The following ACTR3C variants were observed in gnomAD, a reference collection of about 807,000 sequenced individuals.
The protein encoded by ACTR3C is actin-related protein 3C.
Under a neutral mutation model 26.3 loss-of-function variants are expected in ACTR3C, and 18 were observed. That is an observed-to-expected ratio of 0.68 (90% CI 0.47 to 1.01). ACTR3C has a LOEUF of 1.01. Among genes scored for constraint, ACTR3C ranks in the 50% least tolerant of loss-of-function variants. The pLI, the probability that ACTR3C is intolerant of heterozygous loss-of-function variation, is 0.00. For missense variants in ACTR3C, 184 were observed against 250.7 expected (o/e 0.73, Z 1.80); for synonymous variants, 55 against 94.5 (o/e 0.58, Z 2.42).
the ACTR3C span, among the ~76,000 whole-genome samples, chr7:150,035,716 GT>G: frequency 7.2e-6 from 1 of 139,548 alleles, no homozygotes; most frequent in African/African-American, 2.6e-5. Context: ...AAGCCAGGGG[GT>G]GAAGATGGTC....
At chr7:150,028,587 T>C in the ACTR3C span, among the ~76,000 whole-genome samples, 1 of 152,308 alleles carries the variant, frequency 6.6e-6, no homozygotes, top group Non-Finnish European at 1.5e-5. Flanking sequence ...GGGCACCTGT[T>C]TGTGGGCTTA....
the ACTR3C span, among the ~76,000 whole-genome samples, chr7:150,093,506 T>C: frequency 6.6e-6 from 1 of 151,010 alleles, no homozygotes; most frequent in Non-Finnish European, 1.5e-5. Flanking sequence ...TAATGGTGTT[T>C]CCTCTGCAGT....
the ACTR3C span, among the ~76,000 whole-genome samples, chr7:149,981,572 G>A: frequency 1.3e-5 from 2 of 150,030 alleles, no homozygotes; most frequent in African/African-American, 4.8e-5. Flanking sequence ...AATGCCTTGA[G>A]TGGTGCCTAA....
chr7:150,160,658 T>TTA, the ACTR3C span, among the ~76,000 whole-genome samples: 1 of 151,942 alleles, frequency 6.6e-6, no homozygotes, highest in Admixed American at 6.6e-5. Flanking sequence ...ATGGAAGGCA[T>TTA]TATATAAGGA....
At chr7:150,098,158 T>C in the ACTR3C span, among the ~76,000 whole-genome samples, 1 of 151,604 alleles carries the variant, frequency 6.6e-6, no homozygotes. Context: ...AGACACCTAC[T>C]ATAGCCTAGG....
chr7:150,133,421 T>C, the ACTR3C span, among the ~76,000 whole-genome samples: 2 of 152,172 alleles, frequency 1.3e-5, no homozygotes, highest in South Asian at 4.1e-4. Context: ...TTGTTCATGC[T>C]CCGGCCTCTT....
the ACTR3C span, among the ~76,000 whole-genome samples, chr7:150,179,309 GAAT>G: frequency 7.0e-6 from 1 of 142,214 alleles, no homozygotes; most frequent in Non-Finnish European, 1.5e-5. Flanking sequence ...ATTAATGTGT[GAAT>G]AATATATTTC....
At chr7:149,910,618 T>C in the ACTR3C span, among the ~76,000 whole-genome samples, 3 of 152,160 alleles carry the variant, frequency 2.0e-5, no homozygotes, top group Non-Finnish European at 4.4e-5. Context: ...CGTCATTCTG[T>C]AATAATGCTT....
the ACTR3C span, among the ~76,000 whole-genome samples, chr7:150,056,249 T>A: frequency 6.6e-6 from 1 of 152,152 alleles, no homozygotes; most frequent in South Asian, 2.1e-4. Context: ...GAAAAAGAAA[T>A]ACCCCACACA....
At chr7:149,972,076 C>A in the ACTR3C span, among the ~76,000 whole-genome samples, 1 of 152,218 alleles carries the variant, frequency 6.6e-6, no homozygotes, top group Admixed American at 6.5e-5. Flanking sequence ...CAGGCCATTT[C>A]TCTGAGTGTC....
intron 1 of ACTR3C, among the ~76,000 whole-genome samples, chr7:150,308,972 A>G (rs1796047732): frequency 6.6e-6 from 1 of 152,102 alleles, no homozygotes; most frequent in South Asian, 2.1e-4. Flanking sequence ...TTTAACCTGG[A>G]GTGATTTAAA....
the ACTR3C span, among the ~76,000 whole-genome samples, chr7:150,022,121 C>A: frequency 6.6e-6 from 1 of 151,668 alleles, no homozygotes; most frequent in African/African-American, 2.4e-5. Context: ...CATATCCATG[C>A]CAACATCTAT....
At chr7:150,198,802 G>C in the ACTR3C span, among the ~76,000 whole-genome samples, 1 of 127,298 alleles carries the variant, frequency 7.9e-6, no homozygotes, top group Non-Finnish European at 1.6e-5. Context: ...CGGGAGGGAG[G>C]TGGGGGGGTC....
At chr7:149,897,061 CAAA>C in the ACTR3C span, among the ~76,000 whole-genome samples, 15 of 51,104 alleles carry the variant, frequency 2.9e-4, no homozygotes, top group African/African-American at 6.9e-4. Context: ...ACACCGTCTC[CAAA>C]AAAAAAAAAA....
At chr7:149,962,111 G>C in the ACTR3C span, among the ~76,000 whole-genome samples, 3 of 152,150 alleles carry the variant, frequency 2.0e-5, no homozygotes, top group African/African-American at 4.8e-5. Flanking sequence ...TAAGCTCACA[G>C]GAAGTGTATG....
chr7:149,976,044 C>T, the ACTR3C span, among the ~76,000 whole-genome samples: 1 of 152,302 alleles, frequency 6.6e-6, no homozygotes, highest in Non-Finnish European at 1.5e-5. Context: ...ATCAACTGTT[C>T]TGGGTGCATT....
the ACTR3C span, among the ~76,000 whole-genome samples, chr7:150,053,366 C>T: frequency 6.6e-6 from 1 of 152,080 alleles, no homozygotes; most frequent in African/African-American, 2.4e-5. Flanking sequence ...AAATATGATT[C>T]CCTTCAATGT....
the ACTR3C span, among the ~76,000 whole-genome samples, chr7:149,956,065 C>T: frequency 1.3e-5 from 2 of 152,146 alleles, no homozygotes; most frequent in Non-Finnish European, 2.9e-5. Flanking sequence ...TATTTATATC[C>T]TCCCTACTTC....
chr7:150,256,502 G>A (rs970723426), intron 6 of ACTR3C, among the ~76,000 whole-genome samples: 19 of 152,316 alleles, frequency 1.2e-4, no homozygotes, highest in African/African-American at 4.6e-4. Context: ...TGTTAACACA[G>A]GAACAGAAAA....
Sources: gnomAD v4.1 joint callset for allele counts (sites outside exome capture counted in the v4.1 genomes callset) on GRCh38, gnomAD v4.1.1 for gene constraint, MANE v1.5 for transcripts, NCBI Gene and HGNC (gene_info 2026-07-23, HGNC 2026-07-21) for gene names.